The following ATP9B variants were observed in gnomAD, a reference collection of about 807,000 sequenced individuals.
ATP9B encodes the protein probable phospholipid-transporting ATPase IIB.
Under a neutral mutation model 146.1 loss-of-function variants are expected in ATP9B, and 110 were observed. That is an observed-to-expected ratio of 0.75 (90% confidence interval 0.65 to 0.88). The LOEUF (loss-of-function observed/expected upper bound fraction) is 0.88. Among genes scored for constraint, ATP9B ranks in the 40% least tolerant of loss-of-function variants. ATP9B has a pLI of 0.00. For synonymous variants in ATP9B, 604 were observed against 569.7 expected, an observed-to-expected ratio of 1.06 and a Z score of -0.86; for missense variants, 1,499 against 1,496.4, an observed-to-expected ratio of 1.00 and a Z score of -0.03.
intron 4 of ATP9B, among the ~76,000 whole-genome samples, chr18:79,122,031 C>T (rs1050220264): frequency 1.3e-5 from 2 of 152,046 alleles, no homozygotes; most frequent in African/African-American, 4.8e-5. Flanking sequence ...ATTAGAGTCA[C>T]CTGGAGAGTT....
intron 13 of ATP9B, among the ~76,000 whole-genome samples, chr18:79,292,257 G>C (rs2096512127): frequency 6.6e-6 from 1 of 152,152 alleles, no homozygotes; most frequent in African/African-American, 2.4e-5. Context: ...CATTGTAAAG[G>C]AGAGCAAAAC....
At chr18:79,085,896 C>G (rs1275543148) in intron 1 of ATP9B, 1 of 152,010 alleles carries the variant, frequency 6.6e-6, no homozygotes, top group Non-Finnish European at 1.5e-5. Context: ...TTTTTTAATA[C>G]TAGATTTCTC....
intron 8 of ATP9B, among the ~76,000 whole-genome samples, chr18:79,187,616 C>T (rs961770538): frequency 3.9e-5 from 6 of 152,270 alleles, no homozygotes; most frequent in Non-Finnish European, 4.4e-5. Context: ...TTTTGTTTCC[C>T]GTTGAGTGTC....
intron 11 of ATP9B, among the ~76,000 whole-genome samples, chr18:79,220,734 C>A (rs552561056): frequency 1.3e-5 from 2 of 152,202 alleles, no homozygotes; most frequent in African/African-American, 2.4e-5. Context: ...GTCTTATATT[C>A]GGTTGCTTGT....
At chr18:79,303,293 T>A (rs2096603355) in intron 13 of ATP9B, among the ~76,000 whole-genome samples, 1 of 151,972 alleles carries the variant, frequency 6.6e-6, no homozygotes, top group South Asian at 2.1e-4. Context: ...GCCCAGGAGG[T>A]GGAGGCTGCA....
At chr18:79,341,060 T>C (rs1435071137) in intron 19 of ATP9B, among the ~76,000 whole-genome samples, 5 of 152,164 alleles carry the variant, frequency 3.3e-5, no homozygotes, top group Non-Finnish European at 7.3e-5. Context: ...TCTCAGCTGC[T>C]GTATCTACAC....
intron 15 of ATP9B, among the ~76,000 whole-genome samples, chr18:79,316,063 G>A (rs147640781): frequency 6.6e-6 from 1 of 152,200 alleles, no homozygotes; most frequent in Admixed American, 6.5e-5. Flanking sequence ...ATGTCAGGCA[G>A]CAGTTAATTC....
chr18:79,242,160 G>T (rs1443264991), intron 11 of ATP9B, among the ~76,000 whole-genome samples: 1 of 152,200 alleles, frequency 6.6e-6, no homozygotes, highest in Non-Finnish European at 1.5e-5. Flanking sequence ...TCTGTTTTAT[G>T]ATTTGTTTTA....
chr18:79,267,485 A>G (rs1599423420), intron 12 of ATP9B, among the ~76,000 whole-genome samples: 1 of 151,986 alleles, frequency 6.6e-6, no homozygotes, highest in East Asian at 1.9e-4. Flanking sequence ...GAATATATGT[A>G]TTGGAGGCTA....
intron 28 of ATP9B, among the ~76,000 whole-genome samples, chr18:79,374,736 C>A (rs1460589267): frequency 6.6e-6 from 1 of 152,250 alleles, no homozygotes; most frequent in Non-Finnish European, 1.5e-5. Flanking sequence ...CATAAAAGAA[C>A]TCTCAGAAAA....
At chr18:79,270,088 TTTC>T (rs1444692129) in intron 12 of ATP9B, among the ~76,000 whole-genome samples, 1 of 152,250 alleles carries the variant, frequency 6.6e-6, no homozygotes, top group Non-Finnish European at 1.5e-5. Flanking sequence ...TTGCCATTCC[TTTC>T]TTCTTAGCCT....
Position 79,307,002 on chromosome 18 carries a change from G to A in ATP9B, c.1541G>A (p.Gly514Asp). ...ATTCTAAAGATGCAGTCTCAAGCTGGTGGAAACAATACTGGTTCAACTCCA... is the reference window on the plus strand; with the variant it reads ...ATTCTAAAGATGCAGTCTCAAGCTGATGGAAACAATACTGGTTCAACTCCA... Reference protein sequence around the residue: ...DSYSQMQSQAGGNNTGSTPLR... With the variant: ...DSYSQMQSQADGNNTGSTPLR... The change falls in exon 15 of 30, where the codon GGT becomes GAT. Residue 514 changes from glycine (G) to aspartate (D), a missense_variant. Physicochemically the swap from Gly to Asp is moderately conservative, Grantham distance 94. Transcript: ENST00000426216. The A allele has an allele frequency of 1.2e-6, 2 of 1,614,130 alleles. No homozygotes were observed. The highest frequency in any genetic ancestry group is 1.7e-6 in the Non-Finnish European group (2 of 1,179,992).
chr18:79,142,369 ATTATGTG>A (rs909946316), intron 5 of ATP9B, among the ~76,000 whole-genome samples: 1 of 152,222 alleles, frequency 6.6e-6, no homozygotes, highest in Non-Finnish European at 1.5e-5. Context: ...TATTTACTGT[ATTATGTG>A]TTATGACTGT....
intron 26 of ATP9B, chr18:79,359,879 T>C (rs536874507): frequency 4.8e-6 from 1 of 207,014 alleles, no homozygotes; most frequent in South Asian, 8.4e-5. Flanking sequence ...GGGGAACCCA[T>C]GGGCTGCATG....
At chr18:79,311,972 C>T (rs1329574590) in intron 15 of ATP9B, among the ~76,000 whole-genome samples, 2 of 152,222 alleles carry the variant, frequency 1.3e-5, no homozygotes, top group Non-Finnish European at 2.9e-5. Context: ...AGCCTTCCCT[C>T]GTGGCAGGCT....
chr18:79,201,998 C>T (rs1044601136), intron 9 of ATP9B, among the ~76,000 whole-genome samples: 1 of 152,104 alleles, frequency 6.6e-6, no homozygotes, highest in Non-Finnish European at 1.5e-5. Context: ...GTGGAGCCTG[C>T]CCTGAGCTGT....
At chr18:79,349,325 GC>G (rs139330242) in intron 25 of ATP9B, among the ~76,000 whole-genome samples, 20,431 of 152,178 alleles carry the variant, frequency 0.13, 1,487 homozygotes, top group Admixed American at 0.17. Context: ...TGGCTTCGAT[GC>G]TCTTGGCGTT....
intron 7 of ATP9B, among the ~76,000 whole-genome samples, chr18:79,169,297 C>T (rs1265418881): frequency 6.6e-6 from 1 of 152,170 alleles, no homozygotes; most frequent in African/African-American, 2.4e-5. Flanking sequence ...TTCTCTTTCA[C>T]ATTTGGTTGT....
chr18:79,348,229 A>G (rs749712633), intron 25 of ATP9B, 33 bp downstream of exon 25: 100 of 942,210 alleles, frequency 1.1e-4, no homozygotes, highest in Non-Finnish European at 1.5e-4. Flanking sequence ...CAGCTCATCC[A>G]GGGGAGGACT....
Sources: allele counts gnomAD v4.1 joint callset (sites outside exome capture counted in the v4.1 genomes callset), GRCh38; gene constraint gnomAD v4.1.1; transcripts MANE v1.5; gene names NCBI Gene and HGNC (gene_info 2026-07-23, HGNC 2026-07-21).